The following SSH2 variants were observed in gnomAD, a reference collection of about 807,000 sequenced individuals.
SSH2 encodes slingshot protein phosphatase 2.
SSH2 carries 37 observed loss-of-function variants against 135.2 expected under a neutral mutation model. That is an observed-to-expected ratio of 0.27 (90% CI 0.21 to 0.36). SSH2 has a LOEUF of 0.36. Among genes scored for constraint, SSH2 ranks in the 10% least tolerant of loss-of-function variants. The pLI, the probability that SSH2 is intolerant of heterozygous loss-of-function variation, is 1.00. For missense variants in SSH2, 1,408 were observed against 1,765.3 expected (o/e 0.80, Z 3.63); for synonymous variants, 628 against 646.2 (o/e 0.97, Z 0.43).
intron 4 of SSH2, among the ~76,000 whole-genome samples, chr17:29,700,610 G>A (rs1407533729): frequency 6.6e-6 from 1 of 152,134 alleles, no homozygotes; most frequent in African/African-American, 2.4e-5. Context: ...ATACATTCAA[G>A]TAGCAGACAC....
chr17:29,663,790 T>C (rs73280634), intron 11 of SSH2, among the ~76,000 whole-genome samples: 2,532 of 152,342 alleles, frequency 0.017, 73 homozygotes, highest in African/African-American at 0.057. Flanking sequence ...CCATATAACG[T>C]ACAACACCAA....
chr17:29,914,045 A>C (rs1378992190), intron 1 of SSH2, among the ~76,000 whole-genome samples: 1 of 152,190 alleles, frequency 6.6e-6, no homozygotes, highest in Admixed American at 6.5e-5. Flanking sequence ...TAGCAAAGTA[A>C]GCTTGTACCA....
chr17:29,875,581 T>TG (rs1427305895), intron 1 of SSH2, among the ~76,000 whole-genome samples: 1 of 152,154 alleles, frequency 6.6e-6, no homozygotes. Flanking sequence ...CCATAGTTCT[T>TG]GGGGAAAAAA....
chr17:29,709,015 T>TATATATATATAGAGAGAGAGAG (rs780981175), intron 3 of SSH2, among the ~76,000 whole-genome samples: 1 of 81,584 alleles, frequency 1.2e-5, no homozygotes, highest in African/African-American at 4.1e-5. Flanking sequence ...TATATATATA[T>TATATATATATAGAGAGAGAGAG]AGAGAGAGAG....
Position 29,648,124 on chromosome 17 carries a change from G to A in SSH2, c.1427+20C>T, listed in dbSNP as rs1044788026. ...AGGGAACTTAAAAGGAGGGAGAATT[G>A]GAGAAAGTCACTGACTCACCTTGCC... is the stretch of plus-strand genomic sequence containing the variant. On this transcript the variant is annotated intron_variant, in intron 14 of 15. Transcript: ENST00000540801. 3.7e-6 allele frequency: 6 copies of A among 1,610,408 alleles called. No homozygotes were observed. Among genetic ancestry groups the A allele is most frequent in the Admixed American group, 3.3e-5 (2 of 59,990 alleles).
At chr17:29,729,570 A>G (rs2040112066) in intron 3 of SSH2, among the ~76,000 whole-genome samples, 1 of 152,236 alleles carries the variant, frequency 6.6e-6, no homozygotes, top group Non-Finnish European at 1.5e-5. Context: ...CAGTATAAAA[A>G]GAGATATCTG....
chr17:29,673,512 G>T (rs977814047), intron 8 of SSH2, among the ~76,000 whole-genome samples: 1 of 151,586 alleles, frequency 6.6e-6, no homozygotes, highest in African/African-American at 2.4e-5. Context: ...GGAGGCTGTA[G>T]TTAGCTGAGA....
chr17:29,899,974 G>A (rs1461475846), intron 1 of SSH2, among the ~76,000 whole-genome samples: 1 of 152,002 alleles, frequency 6.6e-6, no homozygotes, highest in Non-Finnish European at 1.5e-5. Context: ...CAGAAATAAT[G>A]CCACATATCT....
chr17:29,670,273 A>G (rs1198586124), intron 9 of SSH2, among the ~76,000 whole-genome samples: 3 of 152,192 alleles, frequency 2.0e-5, no homozygotes, highest in African/African-American at 7.2e-5. Context: ...TTTTTGAGCT[A>G]GATGAGACAT....
At chr17:29,680,082 T>G (rs1223596403) in intron 6 of SSH2, among the ~76,000 whole-genome samples, 1 of 152,206 alleles carries the variant, frequency 6.6e-6, no homozygotes, top group Non-Finnish European at 1.5e-5. Context: ...AAACAAATGT[T>G]GAATATGAAT....
At chr17:29,905,281 G>A (rs1021665214) in intron 1 of SSH2, among the ~76,000 whole-genome samples, 2 of 152,150 alleles carry the variant, frequency 1.3e-5, no homozygotes, top group African/African-American at 4.8e-5. Context: ...CACAACACTT[G>A]TACAAGAACA....
At chr17:29,812,576 G>A (rs548460710) in intron 2 of SSH2, among the ~76,000 whole-genome samples, 12 of 152,220 alleles carry the variant, frequency 7.9e-5, no homozygotes, top group Non-Finnish European at 1.6e-4. Flanking sequence ...CAGCCACTAC[G>A]CCCAGCCTAT....
intron 3 of SSH2, among the ~76,000 whole-genome samples, chr17:29,753,638 A>G (rs2151236326): frequency 6.6e-6 from 1 of 151,812 alleles, no homozygotes; most frequent in South Asian, 2.1e-4. Context: ...TGTACTAAAA[A>G]TACAAAAATT....
At chr17:29,886,680 G>T (rs1409539700) in intron 1 of SSH2, among the ~76,000 whole-genome samples, 1 of 150,994 alleles carries the variant, frequency 6.6e-6, no homozygotes, top group Non-Finnish European at 1.5e-5. Flanking sequence ...CCAGGCGGTG[G>T]AGGTTGCAGT....
At chr17:29,692,415 T>C (rs1443229324) in intron 5 of SSH2, among the ~76,000 whole-genome samples, 2 of 152,340 alleles carry the variant, frequency 1.3e-5, no homozygotes, top group African/African-American at 4.8e-5. Context: ...TCAAAACAAC[T>C]GTAAAACGGC....
intron 1 of SSH2, among the ~76,000 whole-genome samples, chr17:29,905,622 C>T (rs150442594): frequency 5.4e-4 from 83 of 152,306 alleles, no homozygotes; most frequent in African/African-American, 1.8e-3. Context: ...CAAAGTCAGG[C>T]GAGCCTGAGT....
chr17:29,688,168 G>A (rs973217302), intron 5 of SSH2, among the ~76,000 whole-genome samples: 18 of 151,872 alleles, frequency 1.2e-4, no homozygotes, highest in South Asian at 1.0e-3. Flanking sequence ...CTGCCACTGC[G>A]CCTGGCTCAT....
intron 1 of SSH2, among the ~76,000 whole-genome samples, chr17:29,902,400 C>T (rs76918578): frequency 0.039 from 5,873 of 152,094 alleles, 148 homozygotes; most frequent in Middle Eastern, 0.048. Context: ...CCAGTTTGCC[C>T]GTTCTAGTTA....
intron 3 of SSH2, chr17:29,761,239 G>T: frequency 1.6e-6 from 2 of 1,289,658 alleles, no homozygotes; most frequent in Non-Finnish European, 2.0e-6. Context: ...TGCAAGCGAG[G>T]GGCGCCTTCC....
Sources: allele counts gnomAD v4.1 joint callset (sites outside exome capture counted in the v4.1 genomes callset), GRCh38; gene constraint gnomAD v4.1.1; transcripts MANE v1.5; gene names NCBI Gene and HGNC (gene_info 2026-07-23, HGNC 2026-07-21).